Variants in PTPRQ observed in about 807,000 individuals in gnomAD.
PTPRQ encodes the protein protein tyrosine phosphatase receptor type Q.
PTPRQ carries 199 observed loss-of-function variants against 246.0 expected under a neutral mutation model. The observed-to-expected ratio is 0.81, with a 90% CI of 0.72 to 0.91. The LOEUF (loss-of-function observed/expected upper bound fraction) is 0.91, where lower values mean the gene tolerates loss of function less well. Ranked by LOEUF, PTPRQ falls within the 40% of genes least tolerant of loss-of-function variation. The pLI is 0.00. For synonymous variants in PTPRQ, 869 were observed against 853.2 expected, an observed-to-expected ratio of 1.02 and a Z score of -0.32; for missense variants, 2,624 against 2,528.4, an observed-to-expected ratio of 1.04 and a Z score of -0.81.
chr12:80,522,208 A>AT (rs1374174870), intron 17 of PTPRQ, among the ~76,000 whole-genome samples: 2 of 152,160 alleles, frequency 1.3e-5, no homozygotes, highest in Non-Finnish European at 2.9e-5. Context: ...TTGTACATTG[A>AT]TTTTGTATCC....
intron 37 of PTPRQ, among the ~76,000 whole-genome samples, chr12:80,649,923 T>C (rs951879456): frequency 1.3e-5 from 2 of 152,180 alleles, no homozygotes; most frequent in Admixed American, 6.6e-5. Context: ...AGCATGACCT[T>C]GTCTATTCTC....
chr12:80,673,098 A>G lies in PTPRQ; in HGVS notation c.6603-71A>G, dbSNP rs756539433. ...TTAGAATTTATTGCTATCATAGCTC[A>G]TTATCTTTATCCCCATCAAAATGAA... On this transcript the variant is annotated intron_variant, in intron 42 of 44. Coordinates refer to ENST00000644991, the MANE Select transcript of PTPRQ (RefSeq NM_001145026.2). 4 of 1,524,166 alleles carry G rather than the reference A, an allele frequency of 2.6e-6. No homozygotes were observed. The African/African-American group carries it at 5.6e-5, about 21-fold the overall frequency. The allele number at this position is 1,524,166 out of a possible 1,614,324, so 94.4% of individuals were successfully genotyped here.
chr12:80,535,448 G>A (rs1316715775), intron 19 of PTPRQ, among the ~76,000 whole-genome samples: 1 of 151,996 alleles, frequency 6.6e-6, no homozygotes, highest in Non-Finnish European at 1.5e-5. Context: ...TAGTTCTAGT[G>A]TTTGGATGTG....
intron 25 of PTPRQ, among the ~76,000 whole-genome samples, chr12:80,577,175 T>A (rs1363528292): frequency 6.6e-6 from 1 of 152,236 alleles, no homozygotes. Flanking sequence ...TTTGTATTAG[T>A]CTGTTCTCAC....
chr12:80,469,652 T>C (rs1035257885), intron 7 of PTPRQ, among the ~76,000 whole-genome samples: 2 of 152,344 alleles, frequency 1.3e-5, no homozygotes, highest in Admixed American at 6.5e-5. Flanking sequence ...CTCATCACCA[T>C]CATGAGTAAC....
intron 29 of PTPRQ, among the ~76,000 whole-genome samples, chr12:80,614,558 T>C (rs930981250): frequency 4.0e-5 from 6 of 150,950 alleles, no homozygotes; most frequent in Non-Finnish European, 8.9e-5. Flanking sequence ...TGTATATGTG[T>C]ATAAAATGAA....
At chr12:80,477,639 C>G (rs2120569468) in intron 8 of PTPRQ, among the ~76,000 whole-genome samples, 1 of 152,200 alleles carries the variant, frequency 6.6e-6, no homozygotes, top group African/African-American at 2.4e-5. Flanking sequence ...CTCACTAGGG[C>G]CAGACAGTGG....
chr12:80,618,360 TCACACACACACACACACA>T (rs3071377), intron 30 of PTPRQ, among the ~76,000 whole-genome samples: 4 of 125,640 alleles, frequency 3.2e-5, no homozygotes, highest in Non-Finnish European at 5.3e-5. Flanking sequence ...AGCACTACAT[TCACACACACACACACACA>T]CACACACACA....
At chr12:80,556,748 T>C (rs1896657537) in intron 25 of PTPRQ, among the ~76,000 whole-genome samples, 1 of 152,054 alleles carries the variant, frequency 6.6e-6, no homozygotes, top group African/African-American at 2.4e-5. Flanking sequence ...TCACTATTCA[T>C]GAAAATAGTG....
rs1900502150 is a variant in PTPRQ, at chr12:80,658,061, T to A, written c.6192T>A (p.Ser2064=). 2.2e-6 allele frequency: 3 copies of A among 1,361,962 alleles called. No homozygotes were observed. The highest frequency in any genetic ancestry group is 3.0e-5 in the African/African-American group (2 of 66,314). 84.4% of individuals were successfully genotyped at this position (1,361,962 alleles called of 1,614,324 possible). ...GSDYINASYI[S]GYLCPNEFIA... is the part of the protein sequence containing the mutation. The stretch of plus-strand genomic sequence containing the variant: ...ATTATATTAATGCCAGCTATATTTC[T>A]GTAAGTTACTATTTTATATATTTTA... The change falls in exon 39 of 45, where the codon TCT becomes TCA. Residue 2064 remains serine (S), a splice_region_variant and synonymous_variant. Transcript: ENST00000644991.
At chr12:80,531,304 CT>C (rs1383141818) in intron 17 of PTPRQ, among the ~76,000 whole-genome samples, 2 of 151,862 alleles carry the variant, frequency 1.3e-5, no homozygotes, top group Non-Finnish European at 2.9e-5. Context: ...AGAACATATG[CT>C]TTTTTATAAA....
intron 35 of PTPRQ, among the ~76,000 whole-genome samples, chr12:80,635,412 C>T (rs1899608452): frequency 1.3e-5 from 2 of 151,982 alleles, no homozygotes; most frequent in South Asian, 2.1e-4. Flanking sequence ...CTGGAAGTGT[C>T]CACATTTTCA....
intron 25 of PTPRQ, among the ~76,000 whole-genome samples, chr12:80,563,995 T>A (rs937911338): frequency 2.0e-5 from 3 of 152,122 alleles, no homozygotes; most frequent in Non-Finnish European, 4.4e-5. Flanking sequence ...AGTTATTGTC[T>A]GAAAATTTTC....
intron 25 of PTPRQ, among the ~76,000 whole-genome samples, chr12:80,586,011 T>A (rs1361702369): frequency 1.3e-5 from 2 of 151,584 alleles, no homozygotes; most frequent in African/African-American, 2.4e-5. Context: ...TGCGATAGTT[T>A]ACTGAGAATG....
Position 80,542,206 on chromosome 12 carries a change from T to C in PTPRQ, c.3563T>C (p.Leu1188Ser). The stretch of plus-strand genomic sequence containing the variant: ...GCAATAATAAGTTATGATTTAACTT[T>C]ACAAGGACCAAATGAAAATTATTCT... The part of the protein sequence containing the change: ...NGAIISYDLT[L>S]QGPNENYSFI... The change falls in exon 22 of 45, where the codon TTA becomes TCA. Residue 1188 changes from leucine to serine, a missense_variant. Physicochemically the swap from Leu to Ser is moderately radical, Grantham distance 145 (BLOSUM62 -2). Coordinates refer to ENST00000644991, the MANE Select transcript of PTPRQ (RefSeq NM_001145026.2). The C allele has an allele frequency of 1.3e-6, 2 of 1,551,156 alleles. No individual in the cohort carries two copies. The highest frequency in any genetic ancestry group is 1.7e-4 in the Middle Eastern group (1 of 5,982).
At chr12:80,636,896 C>T (rs1405107779) in intron 35 of PTPRQ, among the ~76,000 whole-genome samples, 2 of 152,046 alleles carry the variant, frequency 1.3e-5, no homozygotes, top group Non-Finnish European at 2.9e-5. Context: ...AGATTCAATC[C>T]CCTAAGCACT....
chr12:80,628,437 C>T (rs1339530801), intron 33 of PTPRQ, among the ~76,000 whole-genome samples: 1 of 152,024 alleles, frequency 6.6e-6, no homozygotes, highest in East Asian at 1.9e-4. Flanking sequence ...ACATTGGTAA[C>T]CTATTTTGTC....
intron 35 of PTPRQ, among the ~76,000 whole-genome samples, chr12:80,644,850 G>A (rs1398029010): frequency 2.0e-5 from 3 of 151,958 alleles, no homozygotes; most frequent in African/African-American, 4.8e-5. Context: ...GGCTAAGAAC[G>A]AAAGCAATGA....
chr12:80,500,368 G>C (rs1894760635), intron 14 of PTPRQ, among the ~76,000 whole-genome samples: 1 of 151,944 alleles, frequency 6.6e-6, no homozygotes, highest in Non-Finnish European at 1.5e-5. Context: ...GTAAGTCATT[G>C]AGTCTGTCTT....
Sources: gnomAD v4.1 joint callset for allele counts (sites outside exome capture counted in the v4.1 genomes callset) on GRCh38, gnomAD v4.1.1 for gene constraint, MANE v1.5 for transcripts, NCBI Gene and HGNC (gene_info 2026-07-23, HGNC 2026-07-21) for gene names.